Variants in STX8 observed in about 807,000 individuals in gnomAD.
The protein encoded by STX8 is syntaxin 8, also known as syntaxin-8.
In STX8, 23 loss-of-function variants were observed where a neutral mutation model predicts 37.5. The observed-to-expected ratio is 0.61, with a 90% CI of 0.44 to 0.87. STX8 has a LOEUF of 0.87. Ranked by LOEUF, STX8 falls within the 40% of genes least tolerant of loss-of-function variation. The pLI is 0.00. For synonymous variants in STX8, 115 were observed against 99.1 expected, an observed-to-expected ratio of 1.16 and a Z score of -0.95; for missense variants, 313 against 284.7, an observed-to-expected ratio of 1.10 and a Z score of -0.71.
At chr17:9,258,464 CTGTG>C (rs2142123347) in intron 7 of STX8, among the ~76,000 whole-genome samples, 1 of 152,344 alleles carries the variant, frequency 6.6e-6, no homozygotes, top group East Asian at 1.9e-4. Flanking sequence ...ACTCCAGGGG[CTGTG>C]TGTGCTCTGC....
At chr17:9,335,820 C>CGTAG (rs1910119313) in intron 7 of STX8, among the ~76,000 whole-genome samples, 1 of 94,902 alleles carries the variant, frequency 1.1e-5, no homozygotes, top group African/African-American at 3.4e-5. Flanking sequence ...CTCTCACACA[C>CGTAG]ACACACACGT....
chr17:9,393,026 C>T (rs1168258315), intron 6 of STX8, among the ~76,000 whole-genome samples: 1 of 152,140 alleles, frequency 6.6e-6, no homozygotes, highest in Non-Finnish European at 1.5e-5. Context: ...ACAAGATAAA[C>T]ACAAAGAAGT....
chr17:9,472,569 A>G (rs1292873285), intron 6 of STX8, among the ~76,000 whole-genome samples: 1 of 152,236 alleles, frequency 6.6e-6, no homozygotes, highest in East Asian at 1.9e-4. Context: ...TGCTCTTTGC[A>G]TCTGTGATTA....
intron 7 of STX8, among the ~76,000 whole-genome samples, chr17:9,309,641 A>G (rs1032266855): frequency 7.2e-5 from 11 of 151,846 alleles, no homozygotes; most frequent in African/African-American, 2.7e-4. Context: ...AAATACTCCC[A>G]CTCCGCTGAA....
chr17:9,294,987 C>T (rs777365292), intron 7 of STX8, among the ~76,000 whole-genome samples: 11 of 152,164 alleles, frequency 7.2e-5, no homozygotes, highest in African/African-American at 1.4e-4. Flanking sequence ...CAGCAGAAAC[C>T]GACCCTGCTG....
intron 6 of STX8, among the ~76,000 whole-genome samples, chr17:9,477,248 T>C (rs1230483527): frequency 1.3e-5 from 2 of 152,200 alleles, no homozygotes; most frequent in Non-Finnish European, 2.9e-5. Context: ...CTGAAGACCC[T>C]ATCTCTAAAT....
intron 6 of STX8, among the ~76,000 whole-genome samples, chr17:9,458,991 G>A (rs968215521): frequency 1.3e-4 from 20 of 151,844 alleles, no homozygotes; most frequent in Admixed American, 3.9e-4. Flanking sequence ...CACCACGCCC[G>A]GCTAATGCTT....
chr17:9,299,358 G>A (rs542152377), intron 7 of STX8, among the ~76,000 whole-genome samples: 7 of 151,686 alleles, frequency 4.6e-5, no homozygotes, highest in South Asian at 4.2e-4. Context: ...CAAGCAAACC[G>A]AGGAACTGTA....
At position 9,546,590 on chromosome 17, in the gene STX8, G is replaced by GTTTTTTTTTTTTTTT. The variant is rs745424722; in HGVS notation, c.213-1309_213-1308insAAAAAAAAAAAAAAA. 7.6e-4 allele frequency among the ~76,000 whole-genome samples: 47 copies of GTTTTTTTTTTTTTTT among 62,226 alleles called. 3 individuals carry two copies. Among genetic ancestry groups the GTTTTTTTTTTTTTTT allele is most frequent in the African/African-American group, 2.2e-3 (38 of 17,092 alleles). 40.8% of individuals were successfully genotyped at this position (62,226 alleles called of 152,430 possible). A position where few individuals can be genotyped will look rare whatever the true frequency, so the allele number is the denominator to read the frequency against. On this transcript the variant is annotated intron_variant, in intron 3 of 7. Transcript: ENST00000306357. Reference sequence around the variant, plus strand: ...CTTTCTTGATGCAAACTACAAAAGTGGTTTTTTTTTTTTTTTTTTTTTTTT... The same window carrying GTTTTTTTTTTTTTTT: ...CTTTCTTGATGCAAACTACAAAAGTGTTTTTTTTTTTTTTTGTTTTTTTTTTTTTTTTTTTTTTTT...
chr17:9,349,171 T>C (rs1157556845), intron 7 of STX8, among the ~76,000 whole-genome samples: 1 of 151,958 alleles, frequency 6.6e-6, no homozygotes, highest in Non-Finnish European at 1.5e-5. Context: ...TTTATATTTT[T>C]AGTAGGGACA....
At chr17:9,367,611 T>A (rs1911267669) in intron 7 of STX8, among the ~76,000 whole-genome samples, 1 of 152,118 alleles carries the variant, frequency 6.6e-6, no homozygotes, top group South Asian at 2.1e-4. Flanking sequence ...CACAGCAAAA[T>A]GTGGGAATAA....
At chr17:9,497,973 CACAG>C (rs1287041658) in intron 5 of STX8, among the ~76,000 whole-genome samples, 2 of 152,182 alleles carry the variant, frequency 1.3e-5, no homozygotes, top group African/African-American at 4.8e-5. Flanking sequence ...TCTGAGTTTA[CACAG>C]TCAAAAAAGT....
At chr17:9,404,136 T>C (rs1737070221) in intron 6 of STX8, among the ~76,000 whole-genome samples, 1 of 152,144 alleles carries the variant, frequency 6.6e-6, no homozygotes, top group Admixed American at 6.6e-5. Flanking sequence ...GAAAATATAT[T>C]ACCAATTTAT....
At chr17:9,441,360 T>G (rs554848825) in intron 6 of STX8, among the ~76,000 whole-genome samples, 4 of 151,588 alleles carry the variant, frequency 2.6e-5, no homozygotes, top group African/African-American at 7.3e-5. Flanking sequence ...TGTGGTGGCA[T>G]GCACCTGTAG....
At chr17:9,449,387 C>T (rs868165472) in intron 6 of STX8, among the ~76,000 whole-genome samples, 8 of 152,294 alleles carry the variant, frequency 5.3e-5, no homozygotes, top group African/African-American at 1.7e-4. Flanking sequence ...GGCGAAACCC[C>T]GTCTCCACTA....
At chr17:9,270,360 C>G (rs1284859266) in intron 7 of STX8, among the ~76,000 whole-genome samples, 2 of 152,134 alleles carry the variant, frequency 1.3e-5, no homozygotes, top group Non-Finnish European at 2.9e-5. Flanking sequence ...CCATTCTCCT[C>G]CCTCAGCCTC....
At chr17:9,380,559 T>C (rs907240161) in intron 6 of STX8, among the ~76,000 whole-genome samples, 2 of 151,920 alleles carry the variant, frequency 1.3e-5, no homozygotes, top group African/African-American at 2.4e-5. Flanking sequence ...TGGCCTGAAT[T>C]TCTTACAGTG....
chr17:9,451,008 A>G (rs1905023496), intron 6 of STX8, among the ~76,000 whole-genome samples: 1 of 152,170 alleles, frequency 6.6e-6, no homozygotes. Flanking sequence ...ACAAAAATGA[A>G]TAAGACAGCC....
chr17:9,309,093 G>C (rs996483647), intron 7 of STX8, among the ~76,000 whole-genome samples: 7 of 151,412 alleles, frequency 4.6e-5, no homozygotes, highest in African/African-American at 1.7e-4. Context: ...GGCAAATTAG[G>C]GGGATCCTTT....
Sources: gnomAD v4.1 joint callset for allele counts (sites outside exome capture counted in the v4.1 genomes callset) on GRCh38, gnomAD v4.1.1 for gene constraint, MANE v1.5 for transcripts, NCBI Gene and HGNC (gene_info 2026-07-23, HGNC 2026-07-21) for gene names.